SEC14L1: variants seen among roughly 807,000 people sequenced by gnomAD.
SEC14L1 encodes the protein SEC14-like protein 1.
A neutral mutation model predicts 85.3 loss-of-function variants in SEC14L1; 48 were observed. The observed-to-expected ratio is 0.56, with a 90% CI of 0.45 to 0.72. The LOEUF is 0.72. Among genes scored for constraint, SEC14L1 ranks in the 30% least tolerant of loss-of-function variants. SEC14L1 has a pLI of 0.00. For missense variants in SEC14L1, 682 were observed against 921.4 expected (o/e 0.74, Z 3.36); for synonymous variants, 391 against 355.5 (o/e 1.10, Z -1.12).
At chr17:77,130,455 T>C (rs970063338) in intron 3 of SEC14L1, among the ~76,000 whole-genome samples, 2 of 151,212 alleles carry the variant, frequency 1.3e-5, no homozygotes, top group African/African-American at 2.4e-5. Flanking sequence ...TATCTGGGAT[T>C]ACAAGTGCGC....
At chr17:77,196,385 C>G in intron 8 of SEC14L1, 74 bp downstream of exon 8, 1 of 873,588 alleles carries the variant, frequency 1.1e-6, no homozygotes, top group Non-Finnish European at 1.8e-6. Flanking sequence ...CTGTCATAGT[C>G]ACCAAGAGTG....
chr17:77,174,711 A>G (rs1238599661), intron 3 of SEC14L1, among the ~76,000 whole-genome samples: 2 of 152,168 alleles, frequency 1.3e-5, no homozygotes, highest in African/African-American at 4.8e-5. Context: ...CCAGAGGAGA[A>G]TGGGAATCCT....
chr17:77,192,694 G>GAGGCAGCTCT (rs1975605618), intron 5 of SEC14L1, among the ~76,000 whole-genome samples: 1 of 150,044 alleles, frequency 6.7e-6, no homozygotes, highest in Non-Finnish European at 1.5e-5. Context: ...ATGGGATCTT[G>GAGGCAGCTCT]CCCTGTCGCT....
At chr17:77,126,757 C>T (rs1368953408) in intron 3 of SEC14L1, among the ~76,000 whole-genome samples, 1 of 152,178 alleles carries the variant, frequency 6.6e-6, no homozygotes, top group Non-Finnish European at 1.5e-5. Flanking sequence ...ATGAGCAAGC[C>T]AGCCTTGCCC....
rs1977103039 is a variant in SEC14L1, at chr17:77,216,451, A to G, written c.*2428A>G. ...GGTAGGGTTCGTAGGTAGGGTTAGTAGCGCGTCTGTGCTGCTTCCACCTGG... is the reference window on the plus strand; with the variant it reads ...GGTAGGGTTCGTAGGTAGGGTTAGTGGCGCGTCTGTGCTGCTTCCACCTGG... On this transcript the variant is annotated 3_prime_UTR_variant, in exon 17 of 17. Coordinates refer to ENST00000436233, the MANE Select transcript of SEC14L1 (RefSeq NM_001143998.2). 1 of 1,605,752 alleles carries G rather than the reference A, an allele frequency of 6.2e-7. No homozygotes were observed. The highest frequency in any genetic ancestry group is 8.5e-7 in the Non-Finnish European group (1 of 1,175,332).
At chr17:77,176,882 T>C (rs1325004416) in intron 3 of SEC14L1, among the ~76,000 whole-genome samples, 2 of 152,164 alleles carry the variant, frequency 1.3e-5, no homozygotes, top group African/African-American at 4.8e-5. Flanking sequence ...CCCCTGCACC[T>C]GGCCAATTAT....
chr17:77,137,681 T>C (rs956866679), upstream of SEC14L1, among the ~76,000 whole-genome samples: 6 of 152,256 alleles, frequency 3.9e-5, no homozygotes, highest in African/African-American at 1.2e-4. Flanking sequence ...TGTGTCAACA[T>C]GACTTACTAT....
chr17:77,203,415 A>G (rs1198730576), intron 9 of SEC14L1, among the ~76,000 whole-genome samples, 155 bp from the exon 10 acceptor site: 1 of 152,142 alleles, frequency 6.6e-6, no homozygotes, highest in Non-Finnish European at 1.5e-5. Context: ...CACACCCCCT[A>G]TCACACAAAT....
intron 3 of SEC14L1, among the ~76,000 whole-genome samples, chr17:77,096,289 G>A (rs962455643): frequency 6.6e-6 from 1 of 150,882 alleles, no homozygotes; most frequent in African/African-American, 2.4e-5. Flanking sequence ...GCTGGGTGTG[G>A]TGGCTCAAAC....
At chr17:77,144,108 G>A (rs1331546942) in intron 3 of SEC14L1, among the ~76,000 whole-genome samples, 1 of 152,130 alleles carries the variant, frequency 6.6e-6, no homozygotes, top group Non-Finnish European at 1.5e-5. Flanking sequence ...AAATGACTCT[G>A]TTGAATGAGT....
upstream of SEC14L1, among the ~76,000 whole-genome samples, chr17:77,137,275 G>C (rs1014223236): frequency 2.0e-5 from 3 of 152,142 alleles, no homozygotes; most frequent in Non-Finnish European, 4.4e-5. Flanking sequence ...TCCACAGGCT[G>C]TTCAGGAAGC....
chr17:77,174,000 A>G (rs1268990063), intron 3 of SEC14L1, among the ~76,000 whole-genome samples: 1 of 151,912 alleles, frequency 6.6e-6, no homozygotes, highest in East Asian at 1.9e-4. Context: ...TCCTGGGTTC[A>G]AGCGATTCTT....
At chr17:77,208,755 A>G (rs965656290) in intron 13 of SEC14L1, among the ~76,000 whole-genome samples, 16 of 152,210 alleles carry the variant, frequency 1.1e-4, no homozygotes, top group Admixed American at 3.3e-4. Context: ...GAGGACTTCG[A>G]TTTTATGAAC....
intron 3 of SEC14L1, among the ~76,000 whole-genome samples, chr17:77,105,676 C>CA (rs764925365): frequency 3.3e-5 from 5 of 152,138 alleles, no homozygotes; most frequent in Non-Finnish European, 7.4e-5. Context: ...GACTTTTAAA[C>CA]ATTCATGTAC....
chr17:77,175,018 A>G (rs746022517), intron 3 of SEC14L1, among the ~76,000 whole-genome samples: 1 of 152,144 alleles, frequency 6.6e-6, no homozygotes, highest in Non-Finnish European at 1.5e-5. Context: ...TAAGAGAAAG[A>G]GGGGATAGGA....
At chr17:77,134,061 C>T (rs189689874) in intron 3 of SEC14L1, among the ~76,000 whole-genome samples, 68 of 151,956 alleles carry the variant, frequency 4.5e-4, no homozygotes, top group Admixed American at 2.7e-3. Context: ...TGCTGCAAGA[C>T]AAGGGCAGCA....
At chr17:77,139,691 G>C (rs1468139317), upstream of SEC14L1, among the ~76,000 whole-genome samples, 2 of 151,598 alleles carry the variant, frequency 1.3e-5, no homozygotes, top group Non-Finnish European at 2.9e-5. Flanking sequence ...TAGAGACAGG[G>C]ATTTCACCGT....
chr17:77,189,337 G>C (rs1975412806), intron 3 of SEC14L1, among the ~76,000 whole-genome samples: 1 of 152,084 alleles, frequency 6.6e-6, no homozygotes, highest in South Asian at 2.1e-4. Context: ...GCCCAAACTG[G>C]CCCATTTGGG....
intron 3 of SEC14L1, among the ~76,000 whole-genome samples, chr17:77,152,307 G>A (rs6501939): frequency 0.067 from 10,159 of 152,134 alleles, 443 homozygotes; most frequent in East Asian, 0.27. Flanking sequence ...AGGCTGAGGC[G>A]GGTGGATCAT....
Sources: allele counts gnomAD v4.1 joint callset (sites outside exome capture counted in the v4.1 genomes callset), GRCh38; gene constraint gnomAD v4.1.1; transcripts MANE v1.5; gene names NCBI Gene and HGNC (gene_info 2026-07-23, HGNC 2026-07-21).